The following TICRR variants were observed in gnomAD, a reference collection of about 807,000 sequenced individuals.
TICRR encodes treslin.
Under a neutral mutation model 178.1 loss-of-function variants are expected in TICRR, and 132 were observed. That is an observed-to-expected ratio of 0.74 (90% confidence interval 0.64 to 0.86). TICRR has a LOEUF of 0.86. Ranked by LOEUF, TICRR falls within the 40% of genes least tolerant of loss-of-function variation. TICRR has a pLI of 0.00. For synonymous variants in TICRR, 991 were observed against 900.7 expected (o/e 1.10, Z -1.79); for missense variants, 2,587 against 2,334.3 (o/e 1.11, Z -2.23).
rs1245610823 is a variant in TICRR at position 89,602,927 on chromosome 15, A to C, written c.2664+35A>C. On this transcript the variant is annotated intron_variant, in intron 13 of 21. Coordinates refer to ENST00000268138, the MANE Select transcript of TICRR (RefSeq NM_152259.4). ...CCTTCCAGCTTGAGATGACACAGTA[A>C]ATAAGAACAAAAAGGCAGTGTCCCT... The C allele has an allele frequency of 2.5e-6, 3 of 1,224,288 alleles. No individual in the cohort carries two copies. The Middle Eastern group carries it at 6.0e-4, about 246-fold the overall frequency. The allele number at this position is 1,224,288 out of a possible 1,614,324, so 75.8% of individuals were successfully genotyped here.
At chr15:89,622,225 A>G (rs1489415883) in intron 19 of TICRR, among the ~76,000 whole-genome samples, 1 of 151,996 alleles carries the variant, frequency 6.6e-6, no homozygotes. Flanking sequence ...ACCTCAAGTG[A>G]TCCACCTGCC....
intron 7 of TICRR, among the ~76,000 whole-genome samples, chr15:89,596,388 C>T (rs149607041): frequency 6.6e-6 from 1 of 151,850 alleles, no homozygotes; most frequent in African/African-American, 2.4e-5. Context: ...CTCTTTTTGC[C>T]CAGGCTGGAG....
chr15:89,626,918 G>C, intron 21 of TICRR, 38 bp from the exon 22 acceptor site: 6 of 1,604,176 alleles, frequency 3.7e-6, no homozygotes, highest in Non-Finnish European at 5.1e-6. Context: ...TCGGTCCTCT[G>C]TGACTCCTGC....
intron 4 of TICRR, 133 bp downstream of exon 4, chr15:89,586,075 C>T (rs577647790): frequency 1.6e-6 from 1 of 624,984 alleles, no homozygotes; most frequent in Non-Finnish European, 2.7e-6. Context: ...TATAATACTT[C>T]AGGCAGTTTA....
rs139726249 is a variant in TICRR at position 89,593,447 on chromosome 15, G to A, written c.1542-968G>A. Among the ~76,000 whole-genome samples the A allele has an allele frequency of 1.7e-4, 26 of 152,226 alleles. No homozygotes were observed. The East Asian group carries it at 4.8e-3, about 28-fold the overall frequency. ...AGGCCCGGCATGGTGGCTCACACCC[G>A]TAACCCCAGTACTTTGGGAAGCCAA... On this transcript the variant is annotated intron_variant, in intron 5 of 21. Coordinates refer to ENST00000268138, the MANE Select transcript of TICRR (RefSeq NM_152259.4).
chr15:89,599,074 T>C (rs1963048585), intron 7 of TICRR, among the ~76,000 whole-genome samples: 1 of 151,968 alleles, frequency 6.6e-6, no homozygotes, highest in South Asian at 2.1e-4. Context: ...ACTATTGACA[T>C]TTTAGACCAG....
rs1294013073 is a variant in TICRR, at chr15:89,625,779, T to C, written c.5469T>C (p.Phe1823=). 1 of 1,596,172 alleles carries C rather than the reference T, an allele frequency of 6.3e-7. No homozygotes were observed. Residue 1823 remains phenylalanine, a synonymous_variant, in exon 20 of 22, where the codon TTT becomes TTC. Transcript: ENST00000268138. ...QLPSTGDEEV[F]VSGSTPPPSC... is the part of the protein sequence containing the mutation. ...CCTCCACGGGAGACGAAGAGGTGTT[T>C]GTTTCCGGTGAGTTCGTTTTTGAAA...
chr15:89,605,432 G>C (rs1037199002), intron 13 of TICRR, among the ~76,000 whole-genome samples: 1 of 152,026 alleles, frequency 6.6e-6, no homozygotes, highest in Non-Finnish European at 1.5e-5. Flanking sequence ...GCAGTGGCAC[G>C]ATCTCGACTC....
intron 1 of TICRR, among the ~76,000 whole-genome samples, chr15:89,580,657 GTT>G: frequency 6.6e-6 from 1 of 151,770 alleles, no homozygotes; most frequent in Admixed American, 6.5e-5. Context: ...TCTTTTTTTT[GTT>G]TGTTTTTAAT....
At chr15:89,608,998 G>C (rs1243702653) in intron 15 of TICRR, 49 bp downstream of exon 15, 9 of 1,443,670 alleles carry the variant, frequency 6.2e-6, no homozygotes, top group Middle Eastern at 3.7e-4. Flanking sequence ...GATTCTGTAA[G>C]ATTAGTAGTA....
At chr15:89,614,793 A>G (rs1283120156) in intron 15 of TICRR, among the ~76,000 whole-genome samples, 1 of 152,154 alleles carries the variant, frequency 6.6e-6, no homozygotes, top group African/African-American at 2.4e-5. Context: ...CAGTGGTCTT[A>G]GTGGTCAACT....
chr15:89,621,865 C>T (rs990500044), intron 19 of TICRR, among the ~76,000 whole-genome samples: 5 of 151,948 alleles, frequency 3.3e-5, no homozygotes, highest in African/African-American at 7.3e-5. Flanking sequence ...TCATCTTTTC[C>T]GTTTGATTGC....
At chr15:89,598,005 A>G (rs1963026536) in intron 7 of TICRR, among the ~76,000 whole-genome samples, 1 of 152,178 alleles carries the variant, frequency 6.6e-6, no homozygotes, top group Non-Finnish European at 1.5e-5. Context: ...TTTAAATGGT[A>G]ATGTGTTTTT....
Position 89,584,489 on chromosome 15 carries a change from C to T in TICRR, c.1138C>T (p.Gln380Ter), listed in dbSNP as rs1461154822. The change falls in exon 3 of 22, where the codon CAG becomes TAG. Residue 380 changes from glutamine to a stop codon, truncating the protein, a stop_gained. Transcript: ENST00000268138. LOFTEE classifies it high-confidence loss of function. ...AGCAACTCAAAGGCTGTTATTTCAG[C>T]AGTTGGTAAGCAGGCTGACTGCTGA... is the stretch of plus-strand genomic sequence containing the variant. Reference protein sequence around the residue: ...STATQRLLFQQLVSRLTAEEL... With the variant: ...STATQRLLFQ 1.3e-6 allele frequency: 2 copies of T among 1,598,936 alleles called. No homozygotes were observed. The highest frequency in any genetic ancestry group is 8.5e-7 in the Non-Finnish European group (1 of 1,171,118).
At chr15:89,614,530 C>T (rs761985394) in intron 15 of TICRR, among the ~76,000 whole-genome samples, 14 of 152,046 alleles carry the variant, frequency 9.2e-5, no homozygotes, top group Non-Finnish European at 1.9e-4. Flanking sequence ...GTGGTTTCAC[C>T]ACGTTGGCCA....
At chr15:89,613,782 C>T (rs1019963633) in intron 15 of TICRR, among the ~76,000 whole-genome samples, 7 of 112,158 alleles carry the variant, frequency 6.2e-5, no homozygotes, top group African/African-American at 2.5e-4. Context: ...CTCTGTTTGG[C>T]AAGTCATTGG....
intron 16 of TICRR, 66 bp from the exon 17 acceptor site, chr15:89,618,086 C>G: frequency 6.7e-7 from 1 of 1,499,534 alleles, no homozygotes; most frequent in South Asian, 1.1e-5. Context: ...GAGAAGCTGC[C>G]TGTCTCCTTA....
chr15:89,577,250 ACATTCTTGCG>A, intron 1 of TICRR, among the ~76,000 whole-genome samples: 1 of 58 alleles, frequency 0.017, no homozygotes, highest in East Asian at 0.17. Flanking sequence ...CTAAATGAGT[ACATTCTTGCG>A]TACATTCTTG....
In TICRR at chr15:89,623,855, C is replaced by T. The variant is rs1340386113; in HGVS notation, c.3545C>T (p.Ala1182Val). Residue 1182 changes from alanine to valine, a missense_variant, in exon 20 of 22, where the codon GCA (alanine) becomes GTA (valine). Ala to Val is a moderately conservative substitution (Grantham distance 64). Transcript: ENST00000268138. ...KITPQKRHTQ[A>V]GEGTSLETKT... ...ACTCCTCAAAAACGACATACCCAGG[C>T]AGGAGAAGGTACCTCTCTTGAAACG... 8.1e-6 allele frequency: 13 copies of T among 1,613,854 alleles called. No homozygotes were observed. The highest frequency in any genetic ancestry group is 1.3e-5 in the African/African-American group (1 of 74,910).
Sources: allele counts gnomAD v4.1 joint callset (sites outside exome capture counted in the v4.1 genomes callset), GRCh38; gene constraint gnomAD v4.1.1; transcripts MANE v1.5; gene names NCBI Gene and HGNC (gene_info 2026-07-23, HGNC 2026-07-21).